Variants in CCDC88C observed in about 807,000 individuals in gnomAD.
The protein encoded by CCDC88C is coiled-coil and HOOK domain protein 88C.
CCDC88C carries 131 observed loss-of-function variants against 198.8 expected under a neutral mutation model. The ratio of observed to expected loss-of-function variants is 0.66; its 90% CI spans 0.57 to 0.76. The LOEUF is 0.76. Among genes scored for constraint, CCDC88C ranks in the 30% least tolerant of loss-of-function variants. The pLI is 0.00. For synonymous variants in CCDC88C, 1,166 were observed against 1,114.7 expected (o/e 1.05, Z -0.92); for missense variants, 2,553 against 2,631.6 (o/e 0.97, Z 0.65).
At chr14:91,383,277 T>C (rs1884917798) in intron 3 of CCDC88C, among the ~76,000 whole-genome samples, 1 of 152,122 alleles carries the variant, frequency 6.6e-6, no homozygotes, top group South Asian at 2.1e-4. Flanking sequence ...ACGGCTCATC[T>C]CCCAAGGAGA....
At chr14:91,393,803 G>A (rs1275540183) in intron 3 of CCDC88C, among the ~76,000 whole-genome samples, 1 of 152,152 alleles carries the variant, frequency 6.6e-6, no homozygotes, top group African/African-American at 2.4e-5. Flanking sequence ...GCAGTGAGCC[G>A]AGATCGCACC....
chr14:91,371,003 G>A lies in CCDC88C; in HGVS notation c.271-11292C>T, dbSNP rs1022791306. Among the ~76,000 whole-genome samples the A allele has an allele frequency of 1.3e-5, 2 of 152,146 alleles. No homozygotes were observed. Among genetic ancestry groups the A allele is most frequent in the African/African-American group, 4.8e-5 (2 of 41,418 alleles). On this transcript the variant is annotated intron_variant, in intron 3 of 29. Coordinates refer to ENST00000389857, the MANE Select transcript of CCDC88C (RefSeq NM_001080414.4). This position sits in a 1 kb window ranked among gnomAD's most constrained non-coding sequence, Gnocchi z 4.2. ...TGCTGAGTGCATGCCATGCCCTGAG[G>A]TGTGTGTTTGGGGTGAGGCAGAAGG...
chr14:91,397,442 A>T (rs1298521787), intron 3 of CCDC88C, among the ~76,000 whole-genome samples: 1 of 152,128 alleles, frequency 6.6e-6, no homozygotes, highest in African/African-American at 2.4e-5. Flanking sequence ...GACTGTGTAC[A>T]CACACACACT....
Position 91,415,645 on chromosome 14 carries a change from G to A in CCDC88C, c.161+1093C>T, listed in dbSNP as rs151203115. Reference sequence around the variant, plus strand: ...TGAGGTAGGATAATCGCTTGAACCCGGGAGGCGGAGGTTGTGGTGAGCTGA... The same window carrying A: ...TGAGGTAGGATAATCGCTTGAACCCAGGAGGCGGAGGTTGTGGTGAGCTGA... On this transcript the variant is annotated intron_variant, in intron 2 of 29. Coordinates refer to ENST00000389857, the MANE Select transcript of CCDC88C (RefSeq NM_001080414.4). 2.8e-3 allele frequency among the ~76,000 whole-genome samples: 421 copies of A among 152,100 alleles called. 2 individuals carry two copies. The highest frequency in any genetic ancestry group is 9.2e-3 in the African/African-American group (383 of 41,500).
At chr14:91,336,118 A>G (rs952089730) in intron 10 of CCDC88C, among the ~76,000 whole-genome samples, 4 of 152,236 alleles carry the variant, frequency 2.6e-5, no homozygotes, top group African/African-American at 9.7e-5. Flanking sequence ...ATTTTCCACT[A>G]TGAAAGTCAT....
At chr14:91,390,975 C>G (rs1205000646) in intron 3 of CCDC88C, among the ~76,000 whole-genome samples, 1 of 152,162 alleles carries the variant, frequency 6.6e-6, no homozygotes, top group Non-Finnish European at 1.5e-5. Context: ...GTCTCCTCAT[C>G]TTTGAGATGA....
intron 3 of CCDC88C, among the ~76,000 whole-genome samples, chr14:91,365,691 G>A (rs1894502145): frequency 6.6e-6 from 1 of 152,164 alleles, no homozygotes; most frequent in South Asian, 2.1e-4. Context: ...GAACAAGTAT[G>A]TAGACCCCAA....
intron 4 of CCDC88C, among the ~76,000 whole-genome samples, chr14:91,356,191 C>T (rs1221240507): frequency 6.6e-6 from 1 of 152,174 alleles, no homozygotes; most frequent in Admixed American, 6.5e-5. Context: ...TCCCTCTGCC[C>T]CTAGCACTGG....
chr14:91,380,250 T>A (rs1318895212), intron 3 of CCDC88C, among the ~76,000 whole-genome samples: 3 of 152,226 alleles, frequency 2.0e-5, no homozygotes, highest in Non-Finnish European at 4.4e-5. Flanking sequence ...TTGGGGCGGC[T>A]GGACATACTG....
rs117229349 is a variant in CCDC88C at position 91,328,419 on chromosome 14, G to A, written c.1051-2363C>T. ...ACCTGGCGAGGAGGAGTGGGAAGCC[G>A]GATTCCACACCTCTGGGTAGCTGTC... On this transcript the variant is annotated intron_variant, in intron 10 of 29. Transcript: ENST00000389857. Among the ~76,000 whole-genome samples, 140 of 152,282 alleles carry A rather than the reference G, an allele frequency of 9.2e-4. 1 individual carries two copies. The East Asian group carries it at 0.02, about 22-fold the overall frequency.
At chr14:91,354,365 G>A (rs1490813189) in intron 4 of CCDC88C, among the ~76,000 whole-genome samples, 4 of 152,218 alleles carry the variant, frequency 2.6e-5, no homozygotes, top group Admixed American at 6.5e-5. Flanking sequence ...CAGAGCTGGA[G>A]GGACCCCGGA....
chr14:91,368,176 C>T (rs537700506), intron 3 of CCDC88C, among the ~76,000 whole-genome samples: 2 of 152,280 alleles, frequency 1.3e-5, no homozygotes, highest in South Asian at 4.1e-4. Flanking sequence ...TCCATGTTGA[C>T]AAGGGAACCA....
intron 10 of CCDC88C, among the ~76,000 whole-genome samples, chr14:91,327,290 G>T (rs1159169818): frequency 2.6e-5 from 4 of 152,198 alleles, no homozygotes; most frequent in Non-Finnish European, 4.4e-5. Flanking sequence ...CCTGGTGGAG[G>T]GGAAGCCACA....
intron 24 of CCDC88C, 74 bp from the exon 25 acceptor site, chr14:91,289,417 T>C (rs908751530): frequency 3.3e-5 from 42 of 1,281,604 alleles, no homozygotes; most frequent in Non-Finnish European, 4.8e-5. Flanking sequence ...TTCCCTAACA[T>C]GGGCTGGGAT....
chr14:91,377,986 G>T (rs1041074228), intron 3 of CCDC88C, among the ~76,000 whole-genome samples: 6 of 151,582 alleles, frequency 4.0e-5, no homozygotes, highest in Non-Finnish European at 8.9e-5. Flanking sequence ...GAGACTGGGG[G>T]TTCTTTAAGT....
chr14:91,376,133 C>G (rs1884396887), intron 3 of CCDC88C, among the ~76,000 whole-genome samples: 1 of 141,702 alleles, frequency 7.1e-6, no homozygotes, highest in Admixed American at 7.1e-5. Context: ...GGAAAGGCCA[C>G]ACTTGTCACT....
chr14:91,385,233 G>T (rs923725434), intron 3 of CCDC88C, among the ~76,000 whole-genome samples: 1 of 152,120 alleles, frequency 6.6e-6, no homozygotes, highest in Non-Finnish European at 1.5e-5. Context: ...ACCAATGAAT[G>T]CCAGCCCACC....
intron 4 of CCDC88C, among the ~76,000 whole-genome samples, chr14:91,356,206 T>G (rs1420048220): frequency 6.6e-6 from 1 of 152,256 alleles, no homozygotes; most frequent in African/African-American, 2.4e-5. Context: ...CACTGGTGTC[T>G]GCATCTTCCT....
chr14:91,276,021 C>G (rs377408619), intron 29 of CCDC88C, among the ~76,000 whole-genome samples: 2 of 151,518 alleles, frequency 1.3e-5, no homozygotes, highest in South Asian at 4.2e-4. Flanking sequence ...GGGGTTTCAC[C>G]GTGTTAGCCA....
Sources: gnomAD v4.1 joint callset for allele counts (sites outside exome capture counted in the v4.1 genomes callset) on GRCh38, gnomAD v4.1.1 for gene constraint, Gnocchi (gnomAD v3.1) non-coding constraint, MANE v1.5 for transcripts, NCBI Gene and HGNC (gene_info 2026-07-23, HGNC 2026-07-21) for gene names.